SLC35F3: variants seen among roughly 807,000 people sequenced by gnomAD.
The protein encoded by SLC35F3 is putative thiamine transporter SLC35F3.
SLC35F3 carries 25 observed loss-of-function variants against 49.9 expected under a neutral mutation model. The ratio of observed to expected loss-of-function variants is 0.50; its 90% CI spans 0.37 to 0.70. SLC35F3 has a LOEUF of 0.70. Among genes scored for constraint, SLC35F3 ranks in the 30% least tolerant of loss-of-function variants. The pLI, the probability that SLC35F3 is intolerant of heterozygous loss-of-function variation, is 0.00. For synonymous variants in SLC35F3, 275 were observed against 265.4 expected, an observed-to-expected ratio of 1.04 and a Z score of -0.35; for missense variants, 525 against 639.8, an observed-to-expected ratio of 0.82 and a Z score of 1.94.
At chr1:234,250,479 C>T (rs1189340726) in intron 3 of SLC35F3, among the ~76,000 whole-genome samples, 1 of 151,682 alleles carries the variant, frequency 6.6e-6, no homozygotes, top group Non-Finnish European at 1.5e-5. Flanking sequence ...ACGGTGAAAC[C>T]CCGTCTCTAC....
chr1:234,161,036 C>T (rs190452892), intron 2 of SLC35F3, among the ~76,000 whole-genome samples: 143 of 152,314 alleles, frequency 9.4e-4, no homozygotes, highest in African/African-American at 2.3e-3. Flanking sequence ...CCCTCAGTGA[C>T]GATGGCCCAG....
intron 2 of SLC35F3, among the ~76,000 whole-genome samples, chr1:234,176,924 C>A (rs1193483183): frequency 6.6e-6 from 1 of 152,174 alleles, no homozygotes; most frequent in Non-Finnish European, 1.5e-5. Context: ...GAAATTTCTT[C>A]TTTGGAGAAT....
chr1:234,288,664 T>C (rs886168325), intron 3 of SLC35F3, among the ~76,000 whole-genome samples: 4 of 152,226 alleles, frequency 2.6e-5, no homozygotes, highest in African/African-American at 9.6e-5. Context: ...ACTCATATCA[T>C]CTCATTTTCC....
At chr1:234,200,934 A>G (rs1431540837) in intron 2 of SLC35F3, among the ~76,000 whole-genome samples, 1 of 152,140 alleles carries the variant, frequency 6.6e-6, no homozygotes, top group Non-Finnish European at 1.5e-5. Flanking sequence ...TCATCCTCTT[A>G]GTTTTATTCC....
chr1:234,136,396 A>G (rs1272023871), intron 2 of SLC35F3, among the ~76,000 whole-genome samples: 3 of 145,460 alleles, frequency 2.1e-5, no homozygotes, highest in Non-Finnish European at 1.5e-5. Flanking sequence ...TTTTTCCTAG[A>G]GACAGGGTCT....
chr1:234,165,245 G>A (rs1407619225), intron 2 of SLC35F3, among the ~76,000 whole-genome samples: 2 of 152,114 alleles, frequency 1.3e-5, no homozygotes, highest in African/African-American at 2.4e-5. Flanking sequence ...ATTTGCTTAT[G>A]AGTAGATATT....
At chr1:233,985,386 T>C (rs192332512) in intron 2 of SLC35F3, among the ~76,000 whole-genome samples, 120 of 152,348 alleles carry the variant, frequency 7.9e-4, no homozygotes, top group South Asian at 1.2e-3. Flanking sequence ...AATTGTGCAG[T>C]CATTTCTGCT....
chr1:234,309,273 T>A lies in SLC35F3; in HGVS notation c.781T>A (p.Phe261Ile). 6.2e-7 allele frequency: 1 copy of A among 1,614,258 alleles called. No homozygotes were observed. The highest frequency in any genetic ancestry group is 8.5e-7 in the Non-Finnish European group (1 of 1,180,046). The change falls in exon 4 of 8, where the codon TTC (phenylalanine) becomes ATC (isoleucine). Residue 261 changes from phenylalanine (F) to isoleucine (I), a missense_variant. Coordinates refer to ENST00000366618, the MANE Select transcript of SLC35F3 (RefSeq NM_173508.4). ...VLFCCNKAFV[F>I]LLSWIVLRDR... Reference sequence around the variant, plus strand: ...GTTCTGCTGCAACAAAGCTTTTGTGTTCTTGCTCTCATGGATCGTTCTCAG... The same window carrying A: ...GTTCTGCTGCAACAAAGCTTTTGTGATCTTGCTCTCATGGATCGTTCTCAG...
intron 2 of SLC35F3, among the ~76,000 whole-genome samples, chr1:233,972,726 C>A (rs1663016251): frequency 6.6e-6 from 1 of 152,166 alleles, no homozygotes; most frequent in South Asian, 2.1e-4. Context: ...TTTCTCATTT[C>A]TCTGTTCAAA....
Position 233,905,764 on chromosome 1 carries a change from A to AC in SLC35F3, c.283+11dup, listed in dbSNP as rs1234641832. ...CTGGGCAGCGAGCTGCAAAAGTAAG[A>AC]CCCCCTCACGTCATGTTTCCCGTTC... On this transcript the variant is annotated splice_region_variant and intron_variant, in intron 2 of 7. Transcript: ENST00000366618. 4 of 1,601,576 alleles carry AC rather than the reference A, an allele frequency of 2.5e-6. No homozygotes were observed. Among genetic ancestry groups the AC allele is most frequent in the South Asian group, 2.2e-5 (2 of 89,866 alleles).
intron 2 of SLC35F3, among the ~76,000 whole-genome samples, chr1:233,978,415 C>T (rs1306373294): frequency 1.3e-5 from 2 of 152,324 alleles, no homozygotes; most frequent in East Asian, 3.9e-4. Context: ...TGGTTCTCTT[C>T]TGCACAGACT....
In SLC35F3 at chr1:233,938,161, A is replaced by G. The variant is rs528498875; in HGVS notation, c.283+32403A>G. ...GAAGTAACTAAAAATTCACAGAAAC[A>G]ATAGGAGAATAGATGGCCAGACCTA... On this transcript the variant is annotated intron_variant, in intron 2 of 7. Transcript: ENST00000366618. Among the ~76,000 whole-genome samples, 9 of 152,218 alleles carry G rather than the reference A, an allele frequency of 5.9e-5. No individual in the cohort carries two copies. In the South Asian group the frequency reaches 8.3e-4, roughly 14 times the overall value.
intron 2 of SLC35F3, among the ~76,000 whole-genome samples, chr1:234,004,996 A>G (rs1023836600): frequency 6.6e-6 from 1 of 152,214 alleles, no homozygotes; most frequent in Non-Finnish European, 1.5e-5. Context: ...TAAGGGGAGA[A>G]TCTTAAGCAG....
chr1:234,013,566 A>G (rs1190175042), intron 2 of SLC35F3, among the ~76,000 whole-genome samples: 1 of 151,948 alleles, frequency 6.6e-6, no homozygotes, highest in Non-Finnish European at 1.5e-5. Flanking sequence ...TGTTTTTTGA[A>G]AAGATAAGCA....
chr1:234,178,409 C>T (rs1221570547), intron 2 of SLC35F3, among the ~76,000 whole-genome samples: 2 of 151,472 alleles, frequency 1.3e-5, no homozygotes, highest in Non-Finnish European at 2.9e-5. Flanking sequence ...CTCTCATTGA[C>T]CTTCTCAGAA....
At chr1:234,315,813 C>T (rs1345199661) in intron 4 of SLC35F3, among the ~76,000 whole-genome samples, 1 of 152,200 alleles carries the variant, frequency 6.6e-6, no homozygotes, top group Non-Finnish European at 1.5e-5. Context: ...CAGATCAGTC[C>T]TTGTATTGAT....
chr1:234,308,200 A>G (rs990262565), intron 3 of SLC35F3, among the ~76,000 whole-genome samples: 1 of 152,178 alleles, frequency 6.6e-6, no homozygotes, highest in African/African-American at 2.4e-5. Context: ...GGCCTCAGGG[A>G]GAAAATAGGT....
At chr1:234,058,331 T>A (rs1572035676) in intron 2 of SLC35F3, among the ~76,000 whole-genome samples, 1 of 123,462 alleles carries the variant, frequency 8.1e-6, no homozygotes, top group South Asian at 2.8e-4. Flanking sequence ...TTCCTGAATT[T>A]TTTTTTTTTT....
chr1:234,226,211 T>G (rs1667283054), intron 2 of SLC35F3, among the ~76,000 whole-genome samples: 1 of 152,206 alleles, frequency 6.6e-6, no homozygotes, highest in Admixed American at 6.5e-5. Context: ...TCTATAGACC[T>G]TACTGAAATA....
Sources: gnomAD v4.1 joint callset for allele counts (sites outside exome capture counted in the v4.1 genomes callset) on GRCh38, gnomAD v4.1.1 for gene constraint, MANE v1.5 for transcripts, NCBI Gene and HGNC (gene_info 2026-07-23, HGNC 2026-07-21) for gene names.